Variants in PAK5 observed in about 807,000 individuals in gnomAD.
PAK5 encodes the protein serine/threonine-protein kinase PAK 5.
PAK5 carries 16 observed loss-of-function variants against 65.9 expected under a neutral mutation model. That is an observed-to-expected ratio of 0.24 (90% confidence interval 0.16 to 0.37). The LOEUF is 0.37. Ranked by LOEUF, PAK5 falls within the 10% of genes least tolerant of loss-of-function variation. The probability of loss-of-function intolerance (pLI) is 1.00; values close to 1 mark genes in which losing one functional copy is unlikely to be tolerated. For missense variants in PAK5, 785 were observed against 903.9 expected, an observed-to-expected ratio of 0.87 and a Z score of 1.69; for synonymous variants, 371 against 354.9, an observed-to-expected ratio of 1.05 and a Z score of -0.51.
chr20:9,558,760 C>G (rs1568962414), intron 6 of PAK5, among the ~76,000 whole-genome samples: 1 of 152,158 alleles, frequency 6.6e-6, no homozygotes, highest in Non-Finnish European at 1.5e-5. Flanking sequence ...TTACTAATAA[C>G]AGAGTGTGAA....
chr20:9,832,986 G>A (rs537097226), intron 1 of PAK5, among the ~76,000 whole-genome samples: 6 of 152,296 alleles, frequency 3.9e-5, no homozygotes, highest in African/African-American at 1.2e-4. Context: ...GCATATGAGA[G>A]TTTAAAATAT....
intron 1 of PAK5, among the ~76,000 whole-genome samples, chr20:9,806,644 T>C (rs1426641952): frequency 6.6e-6 from 1 of 152,134 alleles, no homozygotes; most frequent in African/African-American, 2.4e-5. Flanking sequence ...TCCTCTCCAA[T>C]TCTAAGTCAG....
chr20:9,612,652 C>T (rs2046584503), intron 3 of PAK5, among the ~76,000 whole-genome samples: 1 of 152,086 alleles, frequency 6.6e-6, no homozygotes, highest in East Asian at 1.9e-4. Context: ...ATCCAATCAC[C>T]TCCCACCAGG....
chr20:9,744,881 T>C (rs1055904524), intron 1 of PAK5, among the ~76,000 whole-genome samples: 84 of 152,200 alleles, frequency 5.5e-4, no homozygotes, highest in Admixed American at 8.5e-4. Flanking sequence ...CTCTGTGGTT[T>C]CAGCAAAATC....
rs190126856 is a variant in PAK5, at chr20:9,699,715, T to C, written c.-12+11571A>G. Among the ~76,000 whole-genome samples, 21 of 152,256 alleles carry C rather than the reference T, an allele frequency of 1.4e-4. No individual in the cohort carries two copies. The East Asian group carries it at 4.1e-3, about 29-fold the overall frequency. On this transcript the variant is annotated intron_variant, in intron 2 of 9. Transcript: ENST00000353224. ...ATCTCTGTGATAGATAAGGAACTTG[T>C]ATTTCACAAGTGGGAACCTGGAGGA...
rs113810232 is a variant in PAK5, at chr20:9,803,378, G to A, written c.-162+35384C>T. 1.9e-3 allele frequency among the ~76,000 whole-genome samples: 293 copies of A among 152,180 alleles called. 1 individual carries two copies. The highest frequency in any genetic ancestry group is 0.017 in the Middle Eastern group (5 of 292). The stretch of plus-strand genomic sequence containing the variant: ...AGGGCACATCCAAGCACACATTTGC[G>A]AACTATAAAGGGCAATCCTCTACCA... On this transcript the variant is annotated intron_variant, in intron 1 of 9. Transcript: ENST00000353224.
At chr20:9,764,316 G>C (rs1249086593) in intron 1 of PAK5, among the ~76,000 whole-genome samples, 1 of 152,150 alleles carries the variant, frequency 6.6e-6, no homozygotes, top group Non-Finnish European at 1.5e-5. Flanking sequence ...TAGGCATACT[G>C]TGTAGATACC....
chr20:9,620,323 A>G (rs1449071168), intron 3 of PAK5, among the ~76,000 whole-genome samples: 1 of 152,230 alleles, frequency 6.6e-6, no homozygotes, highest in Non-Finnish European at 1.5e-5. Flanking sequence ...AAGATCCTAA[A>G]AGGGAACAAT....
chr20:9,653,337 C>T (rs1189287168), intron 2 of PAK5, among the ~76,000 whole-genome samples: 1 of 152,182 alleles, frequency 6.6e-6, no homozygotes, highest in Non-Finnish European at 1.5e-5. Context: ...AAGTTTACTT[C>T]TCCTTTATGC....
At chr20:9,619,138 G>C (rs1332127776) in intron 3 of PAK5, among the ~76,000 whole-genome samples, 1 of 151,358 alleles carries the variant, frequency 6.6e-6, no homozygotes, top group African/African-American at 2.4e-5. Context: ...GCCCAGCCTG[G>C]TCTGGAACTC....
At chr20:9,553,002 C>G (rs1487647363) in intron 7 of PAK5, among the ~76,000 whole-genome samples, 1 of 152,128 alleles carries the variant, frequency 6.6e-6, no homozygotes, top group East Asian at 1.9e-4. Context: ...GCTGAGATTA[C>G]AGATGTGAGC....
chr20:9,593,775 C>A (rs2046215704), intron 3 of PAK5, among the ~76,000 whole-genome samples: 1 of 152,020 alleles, frequency 6.6e-6, no homozygotes. Flanking sequence ...CATGTCTTTT[C>A]TTTTTGCAAA....
intron 2 of PAK5, among the ~76,000 whole-genome samples, chr20:9,657,848 A>C (rs910332729): frequency 1.3e-5 from 2 of 152,208 alleles, no homozygotes; most frequent in Non-Finnish European, 2.9e-5. Flanking sequence ...TTCAAGAAAC[A>C]AAAGCAGCTC....
chr20:9,586,308 A>C lies in PAK5; in HGVS notation c.205-5378T>G, dbSNP rs140139641. ...TCCTTTGAGATAAGAGCATTATTGAACACCTCCTTTGGAAGTTACAGGTCC... is the reference window on the plus strand; with the variant it reads ...TCCTTTGAGATAAGAGCATTATTGACCACCTCCTTTGGAAGTTACAGGTCC... On this transcript the variant is annotated intron_variant, in intron 3 of 9. Transcript: ENST00000353224. 4.3e-4 allele frequency among the ~76,000 whole-genome samples: 66 copies of C among 152,228 alleles called. No homozygotes were observed. In the Middle Eastern group the frequency reaches 0.01, roughly 24 times the overall value.
At chr20:9,663,258 C>T (rs1003012722) in intron 2 of PAK5, among the ~76,000 whole-genome samples, 14 of 152,078 alleles carry the variant, frequency 9.2e-5, no homozygotes, top group Admixed American at 2.6e-4. Flanking sequence ...TACATTCCTA[C>T]GAAGCAATCC....
intron 1 of PAK5, among the ~76,000 whole-genome samples, chr20:9,751,386 C>A (rs182546198): frequency 6.6e-6 from 1 of 152,032 alleles, no homozygotes; most frequent in Admixed American, 6.6e-5. Flanking sequence ...GTCTTTGAAA[C>A]GACTGGTTTC....
intron 2 of PAK5, among the ~76,000 whole-genome samples, chr20:9,691,885 G>C (rs1190728535): frequency 6.6e-6 from 1 of 152,114 alleles, no homozygotes; most frequent in South Asian, 2.1e-4. Flanking sequence ...TTACAAACTT[G>C]GTCCTGTTTC....
At chr20:9,573,556 C>A (rs1665572943) in intron 4 of PAK5, among the ~76,000 whole-genome samples, 1 of 152,152 alleles carries the variant, frequency 6.6e-6, no homozygotes, top group Non-Finnish European at 1.5e-5. Context: ...AAGGACCTAA[C>A]TGAACTGTGA....
intron 1 of PAK5, among the ~76,000 whole-genome samples, chr20:9,717,022 T>G (rs922898703): frequency 6.6e-6 from 1 of 151,084 alleles, no homozygotes; most frequent in Non-Finnish European, 1.5e-5. Flanking sequence ...GAGGTAGAGG[T>G]TGCAGTGAGC....
Sources: allele counts gnomAD v4.1 joint callset (sites outside exome capture counted in the v4.1 genomes callset), GRCh38; gene constraint gnomAD v4.1.1; transcripts MANE v1.5; gene names NCBI Gene and HGNC (gene_info 2026-07-23, HGNC 2026-07-21).